Variants in CNTN5 observed in about 807,000 individuals in gnomAD.
CNTN5 encodes contactin 5.
A neutral mutation model predicts 129.1 loss-of-function variants in CNTN5; 77 were observed. The ratio of observed to expected loss-of-function variants is 0.60; its 90% CI spans 0.50 to 0.72. The LOEUF is 0.72. Ranked by LOEUF, CNTN5 falls within the 30% of genes least tolerant of loss-of-function variation. The pLI is 0.00. For synonymous variants in CNTN5, 509 were observed against 465.6 expected (o/e 1.09, Z -1.20); for missense variants, 1,478 against 1,328.8 (o/e 1.11, Z -1.75).
intron 1 of CNTN5, among the ~76,000 whole-genome samples, chr11:99,023,078 G>A (rs1862954599): frequency 6.6e-6 from 1 of 152,120 alleles, no homozygotes; most frequent in African/African-American, 2.4e-5. Flanking sequence ...CTACAGTTGT[G>A]GAATTTTTAA....
intron 21 of CNTN5, among the ~76,000 whole-genome samples, chr11:100,324,294 T>G (rs1255076743): frequency 2.0e-5 from 3 of 152,166 alleles, no homozygotes; most frequent in African/African-American, 7.2e-5. Context: ...TAGCATTGAT[T>G]AGTGAATGGC....
At chr11:99,147,351 A>G (rs1374314987) in intron 1 of CNTN5, among the ~76,000 whole-genome samples, 1 of 152,224 alleles carries the variant, frequency 6.6e-6, no homozygotes, top group Non-Finnish European at 1.5e-5. Context: ...AATGTTAATT[A>G]TAATGGAATA....
intron 1 of CNTN5, among the ~76,000 whole-genome samples, chr11:99,225,322 G>C (rs530379172): frequency 5.7e-4 from 87 of 152,164 alleles, no homozygotes; most frequent in African/African-American, 2.0e-3. Flanking sequence ...GTGAAAGAAA[G>C]CATGGTTACC....
At chr11:99,901,789 TG>T (rs1473199846) in intron 6 of CNTN5, among the ~76,000 whole-genome samples, 2 of 152,212 alleles carry the variant, frequency 1.3e-5, no homozygotes, top group African/African-American at 2.4e-5. Context: ...AACTGTTATT[TG>T]GTATACATGG....
intron 3 of CNTN5, among the ~76,000 whole-genome samples, chr11:99,753,281 C>T (rs1253386376): frequency 2.6e-5 from 4 of 151,578 alleles, no homozygotes. Flanking sequence ...CGCCACCATG[C>T]CCGGCTAATT....
At chr11:99,924,438 T>G (rs1194695907) in intron 7 of CNTN5, among the ~76,000 whole-genome samples, 1 of 152,168 alleles carries the variant, frequency 6.6e-6, no homozygotes, top group Non-Finnish European at 1.5e-5. Flanking sequence ...GAGATAGGGA[T>G]CCAACTTAAT....
chr11:100,329,893 A>G (rs920013507), intron 21 of CNTN5, among the ~76,000 whole-genome samples: 11 of 152,162 alleles, frequency 7.2e-5, no homozygotes, highest in African/African-American at 2.7e-4. Context: ...GGAAAAAACA[A>G]TTCTGGTAAT....
chr11:99,715,444 T>C (rs186907934), intron 3 of CNTN5, among the ~76,000 whole-genome samples: 73 of 151,766 alleles, frequency 4.8e-4, no homozygotes, highest in African/African-American at 1.6e-3. Context: ...TTGACATCTT[T>C]CTTTAGTGGT....
rs537018449 is a variant in CNTN5, at chr11:100,018,491, A to G, written c.980+16355A>G. Among the ~76,000 whole-genome samples, 6 of 152,022 alleles carry G rather than the reference A, an allele frequency of 3.9e-5. No homozygotes were observed. In the East Asian group the frequency reaches 1.2e-3, roughly 29 times the overall value. On this transcript the variant is annotated intron_variant, in intron 9 of 24. Transcript: ENST00000524871. ...TCTTAAGATTCATACAAGTTGTTGA[A>G]TGTGTCAATAGATCATTCCTTTATA... is the stretch of plus-strand genomic sequence containing the variant.
chr11:99,213,573 T>A (rs958459037), intron 1 of CNTN5, among the ~76,000 whole-genome samples: 1 of 151,166 alleles, frequency 6.6e-6, no homozygotes, highest in African/African-American at 2.4e-5. Flanking sequence ...CTTGTAGTCA[T>A]GGAGAACTTA....
chr11:99,625,780 T>C (rs557678079), intron 3 of CNTN5, among the ~76,000 whole-genome samples: 351 of 145,254 alleles, frequency 2.4e-3, no homozygotes, highest in African/African-American at 8.5e-3. Context: ...TAAAAAGATA[T>C]TGATTGAGAG....
At chr11:99,331,629 C>G (rs1005713796) in intron 2 of CNTN5, among the ~76,000 whole-genome samples, 5 of 152,138 alleles carry the variant, frequency 3.3e-5, no homozygotes, top group African/African-American at 1.2e-4. Context: ...ATTTAGCAAT[C>G]ATTACTTTTA....
chr11:99,601,640 C>T (rs993155016), intron 3 of CNTN5, among the ~76,000 whole-genome samples: 55 of 152,224 alleles, frequency 3.6e-4, no homozygotes, highest in African/African-American at 1.3e-3. Flanking sequence ...TGTATTTCTC[C>T]TTCTTTGGTG....
chr11:99,987,852 A>G lies in CNTN5; in HGVS notation c.878-14182A>G, dbSNP rs562307593. On this transcript the variant is annotated intron_variant, in intron 8 of 24. Coordinates refer to ENST00000524871, the MANE Select transcript of CNTN5 (RefSeq NM_014361.4). Reference sequence around the variant, plus strand: ...GAGGGGGTTACATAATTTTTAAAATAGTTTTCTATTATTTAAAATAGGGAC... The same window carrying G: ...GAGGGGGTTACATAATTTTTAAAATGGTTTTCTATTATTTAAAATAGGGAC... Among the ~76,000 whole-genome samples the G allele has an allele frequency of 3.2e-4, 48 of 152,296 alleles. No individual in the cohort carries two copies. In the South Asian group the frequency reaches 9.7e-3, roughly 31 times the overall value.
chr11:99,390,783 T>C (rs1941219471), intron 2 of CNTN5, among the ~76,000 whole-genome samples: 1 of 152,152 alleles, frequency 6.6e-6, no homozygotes, highest in Non-Finnish European at 1.5e-5. Flanking sequence ...GATATAATTA[T>C]ATTGTAATAA....
At chr11:99,814,361 T>C (rs112138050) in intron 3 of CNTN5, among the ~76,000 whole-genome samples, 1 of 152,138 alleles carries the variant, frequency 6.6e-6, no homozygotes, top group African/African-American at 2.4e-5. Flanking sequence ...CAGAAAGGTA[T>C]GGGTTTGAGG....
At chr11:100,324,246 A>T (rs1018437550) in intron 21 of CNTN5, among the ~76,000 whole-genome samples, 2 of 152,128 alleles carry the variant, frequency 1.3e-5, no homozygotes, top group Non-Finnish European at 2.9e-5. Context: ...GGGCTGATAC[A>T]AAGTCCTTTC....
intron 3 of CNTN5, among the ~76,000 whole-genome samples, chr11:99,667,946 A>T (rs1952864983): frequency 1.2e-5 from 1 of 82,510 alleles, no homozygotes; most frequent in Non-Finnish European, 3.1e-5. Flanking sequence ...CTGAAACTTA[A>T]AGCAAAAGAA....
intron 9 of CNTN5, among the ~76,000 whole-genome samples, chr11:100,011,839 C>T (rs931288071): frequency 1.3e-5 from 2 of 152,126 alleles, no homozygotes; most frequent in Non-Finnish European, 2.9e-5. Context: ...GCTAAGCTGT[C>T]TCAAATGGCT....
Sources: allele counts gnomAD v4.1 joint callset (sites outside exome capture counted in the v4.1 genomes callset), GRCh38; gene constraint gnomAD v4.1.1; transcripts MANE v1.5; gene names NCBI Gene and HGNC (gene_info 2026-07-23, HGNC 2026-07-21).